Variants in LTBP1 observed in about 807,000 individuals in gnomAD.
LTBP1 encodes latent-transforming growth factor beta-binding protein 1.
A neutral mutation model predicts 207.6 loss-of-function variants in LTBP1; 129 were observed. That is an observed-to-expected ratio of 0.62 (90% confidence interval 0.54 to 0.72). LTBP1 has a LOEUF of 0.72. Among genes scored for constraint, LTBP1 ranks in the 30% least tolerant of loss-of-function variants. LTBP1 has a pLI of 0.00. For synonymous variants in LTBP1, 963 were observed against 833.7 expected (o/e 1.16, Z -2.67); for missense variants, 2,281 against 2,217.2 (o/e 1.03, Z -0.58).
rs147808468 is a variant in LTBP1 at position 33,212,928 on chromosome 2, G to A, written c.1702-4624G>A. Among the ~76,000 whole-genome samples the A allele has an allele frequency of 3.6e-3, 551 of 152,286 alleles. 2 individuals carry two copies. Among genetic ancestry groups the A allele is most frequent in the Non-Finnish European group, 5.8e-3 (395 of 68,014 alleles). Reference sequence around the variant, plus strand: ...ATCTAAAATACTTCTAGTCCCAAGCGTTTTAGATCAGAGATCCTCAACCTG... The same window carrying A: ...ATCTAAAATACTTCTAGTCCCAAGCATTTTAGATCAGAGATCCTCAACCTG... On this transcript the variant is annotated intron_variant, in intron 7 of 33. Transcript: ENST00000404816.
At chr2:33,323,645 C>CA (rs34889958) in intron 24 of LTBP1, among the ~76,000 whole-genome samples, 2 of 151,386 alleles carry the variant, frequency 1.3e-5, no homozygotes, top group Non-Finnish European at 2.9e-5. Flanking sequence ...AACAAACAAA[C>CA]AAAAAATCAT....
At chr2:33,082,741 A>T (rs886405375) in intron 3 of LTBP1, among the ~76,000 whole-genome samples, 7 of 152,052 alleles carry the variant, frequency 4.6e-5, no homozygotes, top group Non-Finnish European at 8.8e-5. Context: ...CTTTTTGATC[A>T]TAACTCCGTT....
chr2:33,148,731 A>G (rs912575948), intron 5 of LTBP1, among the ~76,000 whole-genome samples: 1 of 152,214 alleles, frequency 6.6e-6, no homozygotes, highest in African/African-American at 2.4e-5. Flanking sequence ...GTTCACACTC[A>G]TAATGCAGAA....
intron 24 of LTBP1, among the ~76,000 whole-genome samples, chr2:33,341,702 C>A (rs2094623432): frequency 9.0e-6 from 1 of 110,810 alleles, no homozygotes; most frequent in Admixed American, 9.8e-5. Context: ...CAGAGTGAGA[C>A]TCCGTCTCAC....
intron 26 of LTBP1, among the ~76,000 whole-genome samples, chr2:33,358,614 C>G (rs139058687): frequency 2.0e-5 from 3 of 152,020 alleles, no homozygotes; most frequent in Admixed American, 2.0e-4. Flanking sequence ...GGAAAAAAAT[C>G]TGAGGCTTCT....
intron 2 of LTBP1, among the ~76,000 whole-genome samples, chr2:32,986,012 T>A (rs904532367): frequency 6.6e-6 from 1 of 152,130 alleles, no homozygotes; most frequent in Non-Finnish European, 1.5e-5. Flanking sequence ...TTCCTATCAA[T>A]TGCAAGTACA....
chr2:33,127,051 G>T lies in LTBP1; in HGVS notation c.1034-7742G>T, dbSNP rs1190568215. Among the ~76,000 whole-genome samples the T allele has an allele frequency of 2.0e-5, 3 of 152,092 alleles. No homozygotes were observed. The East Asian group carries it at 5.8e-4, about 29-fold the overall frequency. The stretch of plus-strand genomic sequence containing the variant: ...TCCTTGGTGCTTCTTAAAATATAAT[G>T]CATTCAAGTTATAATTTTATTTTTG... On this transcript the variant is annotated intron_variant, in intron 4 of 33. Transcript: ENST00000404816.
intron 9 of LTBP1, among the ~76,000 whole-genome samples, chr2:33,233,496 A>C (rs751034545): frequency 3.9e-5 from 6 of 152,204 alleles, no homozygotes; most frequent in Non-Finnish European, 7.4e-5. Context: ...CATCTAGAGA[A>C]TATTTGTGTT....
Position 33,274,997 on chromosome 2 carries a change from T to C in LTBP1, c.2776T>C (p.Cys926Arg), listed in dbSNP as rs1410257103. The C allele has an allele frequency of 1.2e-6, 2 of 1,614,124 alleles. No individual in the cohort carries two copies. Among genetic ancestry groups the C allele is most frequent in the South Asian group, 2.2e-5 (2 of 91,086 alleles). Residue 926 changes from cysteine to arginine, a missense_variant, in exon 17 of 34, where the codon TGC (cysteine) becomes CGC (arginine). Cys to Arg is a radical substitution (Grantham distance 180, BLOSUM62 -3). Transcript: ENST00000404816. ...TGAGTGTACTCAGGTCCAACACCTCTGCTCCCAGGGCCGCTGTGAAAACAC... is the reference window on the plus strand; with the variant it reads ...TGAGTGTACTCAGGTCCAACACCTCCGCTCCCAGGGCCGCTGTGAAAACAC... ...IDECTQVQHL[C>R]SQGRCENTEG...
chr2:32,995,894 C>T (rs190999125), intron 2 of LTBP1, among the ~76,000 whole-genome samples: 12 of 152,330 alleles, frequency 7.9e-5, no homozygotes, highest in Non-Finnish European at 1.6e-4. Context: ...AAGGAGGTAT[C>T]ATTTTCCCTG....
In LTBP1 at chr2:33,053,272, G is replaced by A. The variant is rs141211311; in HGVS notation, c.863+32066G>A. 4.1e-3 allele frequency among the ~76,000 whole-genome samples: 618 copies of A among 152,168 alleles called. 3 individuals carry two copies. Among genetic ancestry groups the A allele is most frequent in the African/African-American group, 0.013 (559 of 41,528 alleles). ...CCTGGCCCCTGCAACCCCTCTCCCC[G>A]TCCCATAGGCATAGCTTCTCCCATT... On this transcript the variant is annotated intron_variant, in intron 3 of 33. Transcript: ENST00000404816.
chr2:33,259,690 G>T, intron 13 of LTBP1, 80 bp downstream of exon 13: 2 of 1,344,936 alleles, frequency 1.5e-6, no homozygotes, highest in Non-Finnish European at 2.1e-6. Context: ...GGATTTTTTA[G>T]ACTTAAATAT....
chr2:33,026,888 A>G (rs915198140), intron 3 of LTBP1, among the ~76,000 whole-genome samples: 4 of 152,272 alleles, frequency 2.6e-5, no homozygotes, highest in African/African-American at 9.6e-5. Context: ...CATCAACATT[A>G]AATAGAACAT....
intron 19 of LTBP1, among the ~76,000 whole-genome samples, chr2:33,292,396 C>G (rs1228936483): frequency 6.6e-6 from 1 of 152,196 alleles, no homozygotes; most frequent in African/African-American, 2.4e-5. Flanking sequence ...GTTCACATCT[C>G]AGAACCACCA....
chr2:33,064,924 C>T (rs2077432436), intron 3 of LTBP1, among the ~76,000 whole-genome samples: 1 of 152,174 alleles, frequency 6.6e-6, no homozygotes, highest in Non-Finnish European at 1.5e-5. Context: ...CTAGCCAGGA[C>T]TGCTAGTGTA....
At chr2:33,095,258 G>A (rs369307424) in intron 3 of LTBP1, among the ~76,000 whole-genome samples, 2 of 152,110 alleles carry the variant, frequency 1.3e-5, no homozygotes, top group African/African-American at 4.8e-5. Flanking sequence ...AGGCATTTGA[G>A]AGCAATAAAA....
intron 2 of LTBP1, among the ~76,000 whole-genome samples, chr2:32,997,361 T>A (rs1044530925): frequency 6.6e-6 from 1 of 152,082 alleles, no homozygotes; most frequent in South Asian, 2.1e-4. Context: ...AATAAAAAAA[T>A]TTGCAAGGCA....
intron 22 of LTBP1, among the ~76,000 whole-genome samples, chr2:33,306,493 C>T (rs952128364): frequency 6.6e-6 from 1 of 151,736 alleles, no homozygotes; most frequent in African/African-American, 2.4e-5. Context: ...TCGCTTGAAC[C>T]TGGGTGGCAA....
chr2:33,228,890 A>G (rs1281423976), intron 9 of LTBP1, among the ~76,000 whole-genome samples: 3 of 151,474 alleles, frequency 2.0e-5, no homozygotes, highest in East Asian at 2.0e-4. Flanking sequence ...TAGTAGAGAC[A>G]GGGTTTCACC....
Sources: gnomAD v4.1 joint callset for allele counts (sites outside exome capture counted in the v4.1 genomes callset) on GRCh38, gnomAD v4.1.1 for gene constraint, MANE v1.5 for transcripts, NCBI Gene and HGNC (gene_info 2026-07-23, HGNC 2026-07-21) for gene names.